The following DLG2 variants were observed in gnomAD, a reference collection of about 807,000 sequenced individuals.
DLG2 encodes the protein disks large homolog 2.
A neutral mutation model predicts 132.5 loss-of-function variants in DLG2; 45 were observed. That is an observed-to-expected ratio of 0.34 (90% CI 0.27 to 0.44). The LOEUF is 0.44. Ranked by LOEUF, DLG2 falls within the 20% of genes least tolerant of loss-of-function variation. The probability of loss-of-function intolerance (pLI) is 1.00; values close to 1 mark genes in which losing one functional copy is unlikely to be tolerated. For synonymous variants in DLG2, 424 were observed against 419.6 expected (o/e 1.01, Z -0.13); for missense variants, 1,045 against 1,196.9 (o/e 0.87, Z 1.87).
chr11:84,837,291 G>A (rs1388640416), intron 6 of DLG2, among the ~76,000 whole-genome samples: 3 of 151,786 alleles, frequency 2.0e-5, no homozygotes, highest in African/African-American at 4.8e-5. Context: ...GTATAGTATT[G>A]AAATTCTCAA....
intron 10 of DLG2, among the ~76,000 whole-genome samples, chr11:84,071,754 T>TA (rs1223295396): frequency 2.0e-5 from 3 of 152,194 alleles, no homozygotes; most frequent in South Asian, 4.1e-4. Flanking sequence ...TGTCTACATT[T>TA]AAAAAATCCA....
chr11:85,091,468 T>C (rs749236710), intron 6 of DLG2, among the ~76,000 whole-genome samples: 22 of 152,168 alleles, frequency 1.4e-4, no homozygotes, highest in Non-Finnish European at 2.5e-4. Flanking sequence ...ACAATGATGT[T>C]TGCCACATTT....
chr11:83,999,157 G>A (rs2094202132), intron 11 of DLG2, among the ~76,000 whole-genome samples: 1 of 152,166 alleles, frequency 6.6e-6, no homozygotes, highest in African/African-American at 2.4e-5. Context: ...CATAGCTGAT[G>A]CTGGCATCCA....
chr11:83,560,342 T>C (rs2096590186), intron 19 of DLG2, among the ~76,000 whole-genome samples: 1 of 152,038 alleles, frequency 6.6e-6, no homozygotes, highest in Admixed American at 6.6e-5. Flanking sequence ...GGTCTCAAAC[T>C]CCCAACCTCA....
At chr11:84,844,105 TTGTGTGTGTGTGTGTG>T (rs1213298818) in intron 6 of DLG2, among the ~76,000 whole-genome samples, 836 of 80,872 alleles carry the variant, frequency 0.01, 19 homozygotes, top group African/African-American at 0.035. Context: ...ATATATATGT[TTGTGTGTGTGTGTGTG>T]TGTGTGTGTG....
At chr11:84,196,701 T>G (rs1177968438) in intron 8 of DLG2, among the ~76,000 whole-genome samples, 4 of 152,104 alleles carry the variant, frequency 2.6e-5, no homozygotes, top group Admixed American at 2.6e-4. Flanking sequence ...TAATTTACAT[T>G]TATTTATGTT....
chr11:85,306,303 T>C (rs576403867), intron 3 of DLG2, among the ~76,000 whole-genome samples: 83 of 152,306 alleles, frequency 5.4e-4, no homozygotes, highest in African/African-American at 1.7e-3. Flanking sequence ...CTGCTTTGTG[T>C]ACTTTGGATA....
At chr11:83,890,067 A>G (rs1293571463) in intron 15 of DLG2, among the ~76,000 whole-genome samples, 1 of 152,138 alleles carries the variant, frequency 6.6e-6, no homozygotes, top group African/African-American at 2.4e-5. Flanking sequence ...ATATGTAACT[A>G]ACCTGCACAT....
At chr11:84,473,919 A>G (rs2099114997) in intron 7 of DLG2, among the ~76,000 whole-genome samples, 1 of 152,058 alleles carries the variant, frequency 6.6e-6, no homozygotes, top group Non-Finnish European at 1.5e-5. Context: ...TATCTAGGTA[A>G]AACTCATTTA....
chr11:84,600,214 A>G (rs1013781536), intron 6 of DLG2, among the ~76,000 whole-genome samples: 5 of 136,620 alleles, frequency 3.7e-5, no homozygotes, highest in African/African-American at 1.6e-4. Context: ...GAAAGAAAGA[A>G]AGAAAGAAAG....
chr11:84,271,608 C>G (rs1017177373), intron 7 of DLG2, among the ~76,000 whole-genome samples: 3 of 152,118 alleles, frequency 2.0e-5, no homozygotes, highest in African/African-American at 7.2e-5. Context: ...TTAGTCATTC[C>G]TCACTTGCTC....
intron 19 of DLG2, among the ~76,000 whole-genome samples, chr11:83,624,106 A>T (rs2062092416): frequency 6.6e-6 from 1 of 152,134 alleles, no homozygotes; most frequent in African/African-American, 2.4e-5. Flanking sequence ...AAGTTTTATT[A>T]ATCTTTTTAT....
intron 3 of DLG2, chr11:85,452,448 A>G (rs2092280155): frequency 6.1e-6 from 1 of 162,930 alleles, no homozygotes; most frequent in Non-Finnish European, 1.4e-5. Flanking sequence ...TATGTCCTCT[A>G]TAGTCTCCAC....
At chr11:84,436,458 G>A (rs1348470158) in intron 7 of DLG2, among the ~76,000 whole-genome samples, 4 of 152,188 alleles carry the variant, frequency 2.6e-5, no homozygotes, top group African/African-American at 9.6e-5. Flanking sequence ...TCAATCTCAT[G>A]AGTTTACATA....
chr11:84,668,373 T>G (rs965688235), intron 6 of DLG2, among the ~76,000 whole-genome samples: 2 of 152,202 alleles, frequency 1.3e-5, no homozygotes, highest in Non-Finnish European at 1.5e-5. Flanking sequence ...AGATAGGTTT[T>G]GTCAAATGTT....
chr11:83,551,569 G>A (rs956335209), intron 19 of DLG2, among the ~76,000 whole-genome samples: 1 of 152,072 alleles, frequency 6.6e-6, no homozygotes, highest in Non-Finnish European at 1.5e-5. Flanking sequence ...CACTTTGCCT[G>A]CCCCAATACT....
At chr11:85,162,066 T>C (rs2078073145) in intron 4 of DLG2, among the ~76,000 whole-genome samples, 1 of 152,130 alleles carries the variant, frequency 6.6e-6, no homozygotes, top group South Asian at 2.1e-4. Flanking sequence ...AATGATTCCA[T>C]TAACCTGGAA....
chr11:84,114,188 G>A (rs1014309671), intron 9 of DLG2, among the ~76,000 whole-genome samples: 25 of 151,582 alleles, frequency 1.6e-4, no homozygotes, highest in East Asian at 1.6e-3. Flanking sequence ...TTTCGAATAC[G>A]GTAAATACTG....
intron 3 of DLG2, among the ~76,000 whole-genome samples, chr11:85,496,120 C>T (rs2153114823): frequency 6.6e-6 from 1 of 152,332 alleles, no homozygotes; most frequent in South Asian, 2.1e-4. Context: ...GGAAGTGCAA[C>T]TGGTTGGGGG....
Sources: allele counts gnomAD v4.1 joint callset (sites outside exome capture counted in the v4.1 genomes callset), GRCh38; gene constraint gnomAD v4.1.1; transcripts MANE v1.5; gene names NCBI Gene and HGNC (gene_info 2026-07-23, HGNC 2026-07-21).